The following COL11A2 variants were observed in gnomAD, a reference collection of about 807,000 sequenced individuals.
COL11A2 encodes the protein collagen type XI alpha 2 chain.
Under a neutral mutation model 273.4 loss-of-function variants are expected in COL11A2, and 116 were observed. The ratio of observed to expected loss-of-function variants is 0.42; its 90% CI spans 0.36 to 0.49. The LOEUF (loss-of-function observed/expected upper bound fraction) is 0.49. Among genes scored for constraint, COL11A2 ranks in the 20% least tolerant of loss-of-function variants. COL11A2 has a pLI of 0.00. For missense variants in COL11A2, 1,866 were observed against 2,309.0 expected (o/e 0.81, Z 3.93); for synonymous variants, 782 against 864.2 (o/e 0.90, Z 1.67).
Position 33,184,177 on chromosome 6 carries a change from C to G in COL11A2, c.1087G>C (p.Ala363Pro). ...DYREETELGP[A>P]LSAETAHSGA... ...GAGTGGGCTGTCTCCGCAGAGAGGGCAGGGCCAAGCTCTGTCTCCTCACGA... is the reference window on the plus strand; with the variant it reads ...GAGTGGGCTGTCTCCGCAGAGAGGGGAGGGCCAAGCTCTGTCTCCTCACGA... Residue 363 changes from alanine to proline, a missense_variant, in exon 8 of 66, where the codon GCC becomes CCC. By Grantham distance (27) the Ala-to-Pro change is conservative. Coordinates refer to ENST00000341947, the MANE Select transcript of COL11A2 (RefSeq NM_080680.3). The G allele has an allele frequency of 7.3e-7, 1 of 1,367,412 alleles. No individual in the cohort carries two copies. Among genetic ancestry groups the G allele is most frequent in the East Asian group, 4.5e-5 (1 of 21,988 alleles). The allele number at this position is 1,367,412 out of a possible 1,614,324, so 84.7% of individuals were successfully genotyped here. A position where few individuals can be genotyped will look rare whatever the true frequency, so the allele number is the denominator to read the frequency against.
rs781468011 is a variant in COL11A2, at chr6:33,176,792, C to T, written c.2071-27G>A. On this transcript the variant is annotated intron_variant, in intron 25 of 65. Coordinates refer to ENST00000341947, the MANE Select transcript of COL11A2 (RefSeq NM_080680.3). The surrounding 1 kb of genome is among the most constrained non-coding windows in gnomAD (Gnocchi z 4.9). ...TGGGAGTAAGGGATAGAAAATGTGACCAGTGGCCCCTGTCACCCTCTCTGC... is the reference window on the plus strand; with the variant it reads ...TGGGAGTAAGGGATAGAAAATGTGATCAGTGGCCCCTGTCACCCTCTCTGC... The T allele has an allele frequency of 2.5e-5, 40 of 1,610,226 alleles. No homozygotes were observed. In the South Asian group the frequency reaches 4.3e-4, roughly 17 times the overall value.
rs1424863239 is a variant in COL11A2, at chr6:33,165,249, A to G, written c.4751-285T>C. On this transcript the variant is annotated intron_variant, in intron 63 of 65. Transcript: ENST00000341947. The surrounding 1 kb of genome is among the most constrained non-coding windows in gnomAD (Gnocchi z 7.7). ...ATGGACAGCCTCATACTGGGACAAC[A>G]TGTGGTTGCAGGCGCTCACACAGAT... 1.3e-5 allele frequency among the ~76,000 whole-genome samples: 2 copies of G among 152,160 alleles called. No homozygotes were observed. Among genetic ancestry groups the G allele is most frequent in the African/African-American group, 4.8e-5 (2 of 41,416 alleles).
chr6:33,174,704 C>T, intron 30 of COL11A2, 124 bp from the exon 31 acceptor site: 1 of 854,268 alleles, frequency 1.2e-6, no homozygotes, highest in South Asian at 1.4e-5. Flanking sequence ...CACACCCCAG[C>T]CTCTAGCCCC....
Position 33,163,965 on chromosome 6 carries a change from A to C in COL11A2, c.5071-147T>G. On this transcript the variant is annotated intron_variant, in intron 65 of 65. Transcript: ENST00000341947. This position sits in a 1 kb window ranked among gnomAD's most constrained non-coding sequence, Gnocchi z 4.1. ...ACAGACTGGCAGTGTCTATGTGCCC[A>C]TGCGTGTGTGTTTGCTTCTCCCCCA... 1 of 1,217,366 alleles carries C rather than the reference A, an allele frequency of 8.2e-7. No individual in the cohort carries two copies. Among genetic ancestry groups the C allele is most frequent in the Non-Finnish European group, 1.2e-6 (1 of 843,082 alleles). 75.4% of individuals were successfully genotyped at this position (1,217,366 alleles called of 1,614,324 possible). A position where few individuals can be genotyped will look rare whatever the true frequency, so the allele number is the denominator to read the frequency against.
chr6:33,168,910 A>G, intron 52 of COL11A2, 45 bp downstream of exon 52: 8 of 1,214,976 alleles, frequency 6.6e-6, no homozygotes, highest in Non-Finnish European at 9.4e-6. Context: ...CCCCCCATAG[A>G]AGCCCCACCC....
At chr6:33,168,826 A>G (rs939324148) in intron 52 of COL11A2, 67 bp from the exon 53 acceptor site, 1 of 1,604,960 alleles carries the variant, frequency 6.2e-7, no homozygotes, top group South Asian at 1.1e-5. Context: ...AAAACTGTCA[A>G]TACCCCATCC....
chr6:33,185,380 T>C (rs1313524605), intron 6 of COL11A2, among the ~76,000 whole-genome samples: 1 of 152,060 alleles, frequency 6.6e-6, no homozygotes, highest in East Asian at 1.9e-4. Flanking sequence ...GCTGCTCCCA[T>C]GCTGGGTCAA....
In COL11A2 at chr6:33,164,893, C is replaced by A. The variant is rs868145305; in HGVS notation, c.4822G>T (p.Gly1608Trp). ...AFRVFCNFTA[G>W]GETCVTPRDD... ...CTAGGCGTCACACAGGTCTCACCCC[C>A]TGCTGTGAAGTTGCAGAAAACTCGG... The change falls in exon 64 of 66, where the codon GGG becomes TGG. Residue 1608 changes from glycine (G) to tryptophan (W), a missense_variant. Transcript: ENST00000341947. The surrounding 1 kb of genome is among the most constrained non-coding windows in gnomAD (Gnocchi z 4.7). The A allele has an allele frequency of 6.3e-7, 1 of 1,575,684 alleles. No individual in the cohort carries two copies. Among genetic ancestry groups the A allele is most frequent in the East Asian group, 2.3e-5 (1 of 43,270 alleles).
chr6:33,180,131 G>C, intron 12 of COL11A2, 127 bp downstream of exon 12: 1 of 1,047,752 alleles, frequency 9.5e-7, no homozygotes. Context: ...GAATCCCTTT[G>C]GAGTGATGAT....
At position 33,169,418 on chromosome 6, in the gene COL11A2, C is replaced by A; in HGVS notation, c.3763G>T (p.Gly1255Cys). Residue 1255 changes from glycine to cysteine, a missense_variant, in exon 51 of 66, where the codon GGC becomes TGC. By Grantham distance (159) the Gly-to-Cys change is radical. Coordinates refer to ENST00000341947, the MANE Select transcript of COL11A2 (RefSeq NM_080680.3). The surrounding 1 kb of genome is among the most constrained non-coding windows in gnomAD (Gnocchi z 5.5). The part of the protein sequence containing the change: ...PGEPGPPGPK[G>C]PTGDDGPKGN... ...TTGGGGCCATCATCGCCTGTGGGGC[C>A]TTTAGGCCCTGGTGGCCCTGGCTCT... 6.2e-7 allele frequency: 1 copy of A among 1,613,000 alleles called. No individual in the cohort carries two copies. Among genetic ancestry groups the A allele is most frequent in the Non-Finnish European group, 8.5e-7 (1 of 1,180,022 alleles).
rs1047502081 is a variant in COL11A2, at chr6:33,180,321, G to A, written c.1296C>T (p.Gly432=). The A allele has an allele frequency of 3.7e-6, 6 of 1,612,612 alleles. No individual in the cohort carries two copies. The African/African-American group carries it at 6.7e-5, about 18-fold the overall frequency. Residue 432 remains glycine (G), a synonymous_variant, in exon 12 of 66, where the codon GGC becomes GGT. Coordinates refer to ENST00000341947, the MANE Select transcript of COL11A2 (RefSeq NM_080680.3). ...CATCTGATCCAGGGAGCCCTGCTCG[G>A]CCAGGGGGGCCCTGGAGTGGGAAGA... The part of the protein sequence containing the change: ...VGDPGERGPP[G]RAGLPGSDGA...
chr6:33,191,750 A>G (rs1562395702), intron 1 of COL11A2, among the ~76,000 whole-genome samples: 3 of 152,064 alleles, frequency 2.0e-5, no homozygotes, highest in Non-Finnish European at 4.4e-5. Flanking sequence ...ACAGGTGCTC[A>G]CCCCTTATCC....
chr6:33,192,174 C>A lies in COL11A2; in HGVS notation c.67G>T (p.Ala23Ser). The change falls in exon 1 of 66, where the codon GCC becomes TCC. Residue 23 changes from alanine (A) to serine (S), a missense_variant. Transcript: ENST00000341947. ...CTCCTCTTACCTGCCCAGCCTGGGG[C>A]CGCGCTCAGCCCCAGCACCAGAGGT... ...LLPLVLGLSA[A>S]PGWAGAPPVD... 6.4e-7 allele frequency: 1 copy of A among 1,560,408 alleles called. No individual in the cohort carries two copies. Among genetic ancestry groups the A allele is most frequent in the Non-Finnish European group, 8.7e-7 (1 of 1,151,970 alleles).
chr6:33,174,237 G>T lies in COL11A2; in HGVS notation c.2431-19C>A. 2 of 1,504,064 alleles carry T rather than the reference G, an allele frequency of 1.3e-6. No individual in the cohort carries two copies. The highest frequency in any genetic ancestry group is 1.8e-6 in the Non-Finnish European group (2 of 1,129,172). The allele number at this position is 1,504,064 out of a possible 1,614,324, so 93.2% of individuals were successfully genotyped here. ...GGGACCCCTGGTGAGAACGGAGAAG[G>T]GGGGAAATTGAGAAGTTATGAAAGG... is the stretch of plus-strand genomic sequence containing the variant. On this transcript the variant is annotated intron_variant, in intron 31 of 65. Transcript: ENST00000341947.
chr6:33,183,005 G>A (rs939878451), intron 8 of COL11A2, among the ~76,000 whole-genome samples: 1 of 152,114 alleles, frequency 6.6e-6, no homozygotes, highest in East Asian at 1.9e-4. Flanking sequence ...AATACCCAGA[G>A]AGCAGCATAA....
At chr6:33,192,691 C>A (rs1465288749), upstream of COL11A2, among the ~76,000 whole-genome samples, 2 of 152,098 alleles carry the variant, frequency 1.3e-5, no homozygotes, top group Non-Finnish European at 2.9e-5. Context: ...CCAATATCTT[C>A]CCTAGCCCCT....
chr6:33,180,525 C>T, intron 11 of COL11A2, 143 bp downstream of exon 11: 1 of 943,250 alleles, frequency 1.1e-6, no homozygotes, highest in South Asian at 1.6e-5. Context: ...AGTCTGCCCT[C>T]CTTTCTGGTT....
Position 33,171,297 on chromosome 6 carries a change from C to T in COL11A2, c.3286G>A (p.Gly1096Ser), listed in dbSNP as rs1024539708. 5.0e-6 allele frequency: 8 copies of T among 1,614,076 alleles called. No homozygotes were observed. Among genetic ancestry groups the T allele is most frequent in the East Asian group, 2.2e-5 (1 of 44,888 alleles). ...TGTTCACCCTTGTTCCCTTTGGTGC[C>T]CTTCTGTCCGGGGTCCCCCACCTCA... ...KGEVGDPGQK[G>S]TKGNKGEHGP... Residue 1096 changes from glycine to serine, a missense_variant, in exon 44 of 66, where the codon GGC becomes AGC. By Grantham distance (56) the Gly-to-Ser change is moderately conservative (BLOSUM62 0). Transcript: ENST00000341947.
rs958736338 is a variant in COL11A2, at chr6:33,176,180, G to A, written c.2214+79C>T. 23 of 1,603,546 alleles carry A rather than the reference G, an allele frequency of 1.4e-5. No individual in the cohort carries two copies. Among genetic ancestry groups the A allele is most frequent in the East Asian group, 1.1e-4 (5 of 44,828 alleles). ...GGGCTCGGGAGCTGGACGGCAGTGC[G>A]GGGCAGGCTGGAGGGAAGGCAGTGA... On this transcript the variant is annotated intron_variant, in intron 28 of 65. Transcript: ENST00000341947. This position sits in a 1 kb window ranked among gnomAD's most constrained non-coding sequence, Gnocchi z 4.9.
Sources: allele counts gnomAD v4.1 joint callset (sites outside exome capture counted in the v4.1 genomes callset), GRCh38; gene constraint gnomAD v4.1.1; non-coding constraint Gnocchi (gnomAD v3.1); transcripts MANE v1.5; gene names NCBI Gene and HGNC (gene_info 2026-07-23, HGNC 2026-07-21).